The following FITM2 variants were observed in gnomAD, a reference collection of about 807,000 sequenced individuals.
FITM2 encodes fat storage inducing transmembrane protein 2.
FITM2 carries 16 observed loss-of-function variants against 23.3 expected under a neutral mutation model. The observed-to-expected ratio is 0.69, with a 90% confidence interval of 0.47 to 1.05. The LOEUF is 1.05. Ranked by LOEUF, FITM2 falls within the 50% of genes least tolerant of loss-of-function variation. The pLI is 0.00. For missense variants in FITM2, 273 were observed against 327.5 expected (o/e 0.83, Z 1.29); for synonymous variants, 132 against 142.0 (o/e 0.93, Z 0.50).
chr20:44,308,461 T>C (rs996347866), intron 1 of FITM2, among the ~76,000 whole-genome samples: 6 of 152,172 alleles, frequency 3.9e-5, no homozygotes, highest in African/African-American at 2.4e-5. Context: ...ACAACCAGCA[T>C]GAACAGATTA....
rs1302058822 is a variant in FITM2, at chr20:44,304,167, T to C, written c.*2458A>G. ...AAATATTTAAAATATATCCTTATAG[T>C]AAAAGATTTTACACCGAAGATTCAT... On this transcript the variant is annotated 3_prime_UTR_variant, in exon 2 of 2. Coordinates refer to ENST00000396825, the MANE Select transcript of FITM2 (RefSeq NM_001080472.4). 8 of 152,206 alleles carry C rather than the reference T, an allele frequency of 5.3e-5. No homozygotes were observed. The East Asian group carries it at 1.5e-3, about 29-fold the overall frequency. 9.4% of individuals were successfully genotyped at this position (152,206 alleles called of 1,614,324 possible).
chr20:44,304,274 G>A lies in FITM2; in HGVS notation c.*2351C>T, dbSNP rs2062684147. On this transcript the variant is annotated 3_prime_UTR_variant, in exon 2 of 2. Transcript: ENST00000396825. Reference sequence around the variant, plus strand: ...CTACTATTGGACTTGATTGGAGAGAGGGGCATCAAGGCGGCCTTAAGGGTG... The same window carrying A: ...CTACTATTGGACTTGATTGGAGAGAAGGGCATCAAGGCGGCCTTAAGGGTG... The A allele has an allele frequency of 6.6e-6, 1 of 152,220 alleles. No individual in the cohort carries two copies. Among genetic ancestry groups the A allele is most frequent in the Non-Finnish European group, 1.5e-5 (1 of 68,064 alleles). The allele number at this position is 152,220 out of a possible 1,614,324, so 9.4% of individuals were successfully genotyped here. A position where few individuals can be genotyped will look rare whatever the true frequency, so the allele number is the denominator to read the frequency against.
intron 1 of FITM2, among the ~76,000 whole-genome samples, chr20:44,310,690 C>G (rs2062702494): frequency 6.6e-6 from 1 of 152,184 alleles, no homozygotes; most frequent in Non-Finnish European, 1.5e-5. Flanking sequence ...ATCCCCACCC[C>G]ATTCCACACC....
intron 1 of FITM2, among the ~76,000 whole-genome samples, chr20:44,308,478 G>A (rs1410379499): frequency 6.6e-6 from 1 of 152,008 alleles, no homozygotes; most frequent in African/African-American, 2.4e-5. Flanking sequence ...ATTAAACCAC[G>A]GTTTGGATAG....
rs1371208965 is a variant in FITM2, at chr20:44,305,091, G to C, written c.*1534C>G. ...TTTAAGACTGTAAGACCAGAGTTTGGTTCATAACAAGTACATTAGTGTTCT... is the reference window on the plus strand; with the variant it reads ...TTTAAGACTGTAAGACCAGAGTTTGCTTCATAACAAGTACATTAGTGTTCT... On this transcript the variant is annotated 3_prime_UTR_variant, in exon 2 of 2. Transcript: ENST00000396825. The C allele has an allele frequency of 6.6e-6, 1 of 152,124 alleles. No homozygotes were observed. Among genetic ancestry groups the C allele is most frequent in the Non-Finnish European group, 1.5e-5 (1 of 68,040 alleles). 9.4% of individuals were successfully genotyped at this position (152,124 alleles called of 1,614,324 possible).
intron 1 of FITM2, among the ~76,000 whole-genome samples, chr20:44,309,048 G>A (rs2062698166): frequency 2.0e-5 from 3 of 151,082 alleles, no homozygotes; most frequent in Admixed American, 2.0e-4. Context: ...ACCCAGGAGT[G>A]CAGTGGCACG....
At position 44,306,640 on chromosome 20, in the gene FITM2, A is replaced by C. The variant is rs753857916; in HGVS notation, c.774T>G (p.Asp258Glu). The C allele has an allele frequency of 3.1e-6, 5 of 1,613,504 alleles. No individual in the cohort carries two copies. The highest frequency in any genetic ancestry group is 1.7e-5 in the Admixed American group (1 of 59,982). The change falls in exon 2 of 2, where the codon GAT becomes GAG. Residue 258 changes from aspartate to glutamate, a missense_variant. This residue lies in a region of FITM2 where 33 missense variants were observed against 26.3 expected (regional missense o/e 1.25). Coordinates refer to ENST00000396825, the MANE Select transcript of FITM2 (RefSeq NM_001080472.4). ...TGTTACTCTTTTATTTCTTGTAACT[A>C]TCTTGCTTCAAATTCAAACTACAGC... ...PQSCSLNLKQDSYKK is the reference protein window; with the variant it reads ...PQSCSLNLKQESYKK
rs1453528189 is a variant in FITM2 at position 44,306,915 on chromosome 20, C to T, written c.499G>A (p.Val167Ile). The change falls in exon 2 of 2, where the codon GTA becomes ATA. Residue 167 changes from valine to isoleucine, a missense_variant. This residue lies in a region of FITM2 where 117 missense variants were observed against 183.3 expected (regional missense o/e 0.64). Coordinates refer to ENST00000396825, the MANE Select transcript of FITM2 (RefSeq NM_001080472.4). ...FLLTFCALMI[V>I]EEMSVLHEVK... is the part of the protein sequence containing the mutation. ...TCATGCAGCACAGACATCTCTTCTACAATCATGAGGGCGCAGAAGGTCAGC... is the reference window on the plus strand; with the variant it reads ...TCATGCAGCACAGACATCTCTTCTATAATCATGAGGGCGCAGAAGGTCAGC... The T allele has an allele frequency of 6.2e-7, 1 of 1,614,046 alleles. No homozygotes were observed. The highest frequency in any genetic ancestry group is 8.5e-7 in the Non-Finnish European group (1 of 1,180,030).
At chr20:44,307,357 C>T (rs1206209863) in intron 1 of FITM2, 117 bp from the exon 2 acceptor site, 2 of 1,209,834 alleles carry the variant, frequency 1.7e-6, no homozygotes, top group Non-Finnish European at 2.3e-6. Flanking sequence ...ATCAAAGCTA[C>T]AGCTCATAGC....
chr20:44,307,761 C>T (rs1213607632), intron 1 of FITM2, among the ~76,000 whole-genome samples: 3 of 149,736 alleles, frequency 2.0e-5, no homozygotes, highest in Non-Finnish European at 3.0e-5. Context: ...TGTGTAAGTA[C>T]TTTAAATGTA....
chr20:44,307,742 C>A (rs557414000), intron 1 of FITM2, among the ~76,000 whole-genome samples: 1 of 150,778 alleles, frequency 6.6e-6, no homozygotes, highest in East Asian at 2.0e-4. Flanking sequence ...TCCTCCCCTA[C>A]CCCACCCCTG....
chr20:44,305,320 A>C lies in FITM2; in HGVS notation c.*1305T>G, dbSNP rs927541560. ...AAAGTAATCTTATTGCTCCAAAAAA[A>C]CCAGCATATAGTAATAGAAAACATG... is the stretch of plus-strand genomic sequence containing the variant. On this transcript the variant is annotated 3_prime_UTR_variant, in exon 2 of 2. Transcript: ENST00000396825. 3.3e-5 allele frequency: 5 copies of C among 152,354 alleles called. No individual in the cohort carries two copies. Among genetic ancestry groups the C allele is most frequent in the Middle Eastern group, 3.4e-3 (1 of 294 alleles). The allele number at this position is 152,354 out of a possible 1,614,324, so 9.4% of individuals were successfully genotyped here.
In FITM2 at chr20:44,306,164, T is replaced by C. The variant is rs1191459686; in HGVS notation, c.*461A>G. ...CCTCGGCCTCCCAAAGTGCAGGGATTAGAGGTGTGAACCACCATGCCTGGC... is the reference window on the plus strand; with the variant it reads ...CCTCGGCCTCCCAAAGTGCAGGGATCAGAGGTGTGAACCACCATGCCTGGC... On this transcript the variant is annotated 3_prime_UTR_variant, in exon 2 of 2. Coordinates refer to ENST00000396825, the MANE Select transcript of FITM2 (RefSeq NM_001080472.4). The C allele has an allele frequency of 1.1e-5, 2 of 181,458 alleles. No individual in the cohort carries two copies. The highest frequency in any genetic ancestry group is 4.7e-5 in the African/African-American group (2 of 42,118). 11.2% of individuals were successfully genotyped at this position (181,458 alleles called of 1,614,324 possible). A position where few individuals can be genotyped will look rare whatever the true frequency, so the allele number is the denominator to read the frequency against.
rs182620872 is a variant in FITM2 at position 44,307,431 on chromosome 20, T to C, written c.174-191A>G. ...ACTAAGTACTTTATTTATTTATTTA[T>C]TTATTTATTTTTGAGACAGAGTCTC... is the stretch of plus-strand genomic sequence containing the variant. On this transcript the variant is annotated intron_variant, in intron 1 of 1. Transcript: ENST00000396825. 4.5e-3 allele frequency among the ~76,000 whole-genome samples: 685 copies of C among 152,140 alleles called. 4 individuals carry two copies. Among genetic ancestry groups the C allele is most frequent in the South Asian group, 0.019 (92 of 4,808 alleles).
rs1186411245 is a variant in FITM2 at position 44,311,114 on chromosome 20, C to A, written c.35G>T (p.Arg12Leu). 6.2e-7 allele frequency: 1 copy of A among 1,612,970 alleles called. No individual in the cohort carries two copies. The highest frequency in any genetic ancestry group is 1.1e-5 in the South Asian group (1 of 90,986). ...CACGGCCGCCCGCACCAGCGTCCCC[C>A]GCAACAACCACTCGCAGCGCTCCAG... ...EHLERCEWLLRGTLVRAAVRR... is the reference protein window; with the variant it reads ...EHLERCEWLLLGTLVRAAVRR... Residue 12 changes from arginine (R) to leucine (L), a missense_variant, in exon 1 of 2, where the codon CGG becomes CTG. By Grantham distance (102) the Arg-to-Leu change is moderately radical. Transcript: ENST00000396825.
chr20:44,309,449 G>A (rs770673511), intron 1 of FITM2, among the ~76,000 whole-genome samples: 1 of 152,138 alleles, frequency 6.6e-6, no homozygotes, highest in Non-Finnish European at 1.5e-5. Flanking sequence ...CAAAGTGCCT[G>A]GATTACAGGT....
intron 1 of FITM2, among the ~76,000 whole-genome samples, chr20:44,309,289 C>A (rs140585841): frequency 4.6e-4 from 70 of 152,324 alleles, no homozygotes; most frequent in African/African-American, 1.7e-3. Context: ...AAGTGATTCT[C>A]TTGCCTCAGC....
At position 44,306,902 on chromosome 20, in the gene FITM2, G is replaced by C. The variant is rs745314293; in HGVS notation, c.512C>G (p.Ser171Cys). 6.2e-7 allele frequency: 1 copy of C among 1,614,196 alleles called. No individual in the cohort carries two copies. The highest frequency in any genetic ancestry group is 1.3e-5 in the African/African-American group (1 of 75,048). The change falls in exon 2 of 2, where the codon TCT (serine) becomes TGT (cysteine). Residue 171 changes from serine (S) to cysteine (C), a missense_variant. Physicochemically the swap from Ser to Cys is moderately radical, Grantham distance 112 (BLOSUM62 -1). Around this residue, in one of 3 missense-constraint regions of FITM2, gnomAD observed 117 missense variants for 183.3 expected, o/e 0.64. Transcript: ENST00000396825. Reference protein sequence around the residue: ...FCALMIVEEMSVLHEVKTDRS... With the variant: ...FCALMIVEEMCVLHEVKTDRS... ...GTCCGTCTTCACCTCATGCAGCACA[G>C]ACATCTCTTCTACAATCATGAGGGC...
rs1233360546 is a variant in FITM2, at chr20:44,303,037, G to A, written c.*3588C>T. ...AGCATGGCAGTATTCTATGATCACA[G>A]ATGCCCCCAGAGCCTGGGGGTAACC... On this transcript the variant is annotated 3_prime_UTR_variant, in exon 2 of 2. Transcript: ENST00000396825. The A allele has an allele frequency of 1.3e-5, 2 of 152,116 alleles. No individual in the cohort carries two copies. The highest frequency in any genetic ancestry group is 4.8e-5 in the African/African-American group (2 of 41,416). The allele number at this position is 152,116 out of a possible 1,614,324, so 9.4% of individuals were successfully genotyped here. A position where few individuals can be genotyped will look rare whatever the true frequency, so the allele number is the denominator to read the frequency against.
Sources: gnomAD v4.1 joint callset for allele counts (sites outside exome capture counted in the v4.1 genomes callset) on GRCh38, gnomAD v4.1.1 for gene constraint, gnomAD v4.1.1 regional missense constraint, MANE v1.5 for transcripts, NCBI Gene and HGNC (gene_info 2026-07-23, HGNC 2026-07-21) for gene names.